C9orf153: variants seen among roughly 807,000 people sequenced by gnomAD.
The protein encoded by C9orf153 is chromosome 9 open reading frame 153, also known as uncharacterized protein C9orf153.
Under a neutral mutation model 9.0 loss-of-function variants are expected in C9orf153, and 10 were observed. The observed-to-expected ratio is 1.11, with a 90% CI of 0.69 to 1.89. C9orf153 has a LOEUF of 1.89. Among genes scored for constraint, C9orf153 ranks in the 40% most tolerant of loss-of-function variants. The pLI is 0.00. For synonymous variants in C9orf153, 35 were observed against 37.3 expected (o/e 0.94, Z 0.23); for missense variants, 108 against 111.0 (o/e 0.97, Z 0.12).
chr9:86,226,130 C>T (rs1162017575), intron 3 of C9orf153, among the ~76,000 whole-genome samples: 1 of 152,126 alleles, frequency 6.6e-6, no homozygotes, highest in Admixed American at 6.6e-5. Context: ...TAGGCCAGTC[C>T]TATCATTGCT....
In C9orf153 at chr9:86,221,496, T is replaced by C; in HGVS notation, c.*192A>G. The C allele has an allele frequency of 2.2e-6, 3 of 1,341,440 alleles. No homozygotes were observed. The highest frequency in any genetic ancestry group is 2.9e-6 in the Non-Finnish European group (3 of 1,045,430). 83.1% of individuals were successfully genotyped at this position (1,341,440 alleles called of 1,614,324 possible). A position where few individuals can be genotyped will look rare whatever the true frequency, so the allele number is the denominator to read the frequency against. On this transcript the variant is annotated 3_prime_UTR_variant, in exon 4 of 4. Transcript: ENST00000339137. ...CTACGTCCAAAATATTTTAATACACTACATATTCCATTTAAGAGAATAACT... is the reference window on the plus strand; with the variant it reads ...CTACGTCCAAAATATTTTAATACACCACATATTCCATTTAAGAGAATAACT...
chr9:86,256,303 T>A (rs561452340), intron 1 of C9orf153, among the ~76,000 whole-genome samples: 1 of 152,338 alleles, frequency 6.6e-6, no homozygotes, highest in East Asian at 1.9e-4. Flanking sequence ...ACTGTCTCCA[T>A]CATTATTTTA....
At chr9:86,223,171 CA>C (rs889645688) in intron 3 of C9orf153, among the ~76,000 whole-genome samples, 52 of 152,248 alleles carry the variant, frequency 3.4e-4, no homozygotes, top group African/African-American at 1.3e-3. Context: ...GGATCTTTAA[CA>C]AGAGAAGGTT....
intron 1 of C9orf153, among the ~76,000 whole-genome samples, chr9:86,256,483 T>C (rs1825125271): frequency 6.6e-6 from 1 of 152,256 alleles, no homozygotes; most frequent in African/African-American, 2.4e-5. Context: ...TTGATTAATG[T>C]CATCTTCGTG....
chr9:86,234,635 T>C (rs1237258821), intron 1 of C9orf153, among the ~76,000 whole-genome samples: 1 of 152,184 alleles, frequency 6.6e-6, no homozygotes, highest in Non-Finnish European at 1.5e-5. Context: ...GGGTAAATTT[T>C]TGTGACCCTG....
chr9:86,229,648 GA>G lies in C9orf153; in HGVS notation c.-26-20del. 1.4e-6 allele frequency: 2 copies of G among 1,396,420 alleles called. No homozygotes were observed. The highest frequency in any genetic ancestry group is 2.4e-5 in the South Asian group (2 of 83,604). 86.5% of individuals were successfully genotyped at this position (1,396,420 alleles called of 1,614,324 possible). Reference sequence around the variant, plus strand: ...CTAATTCCTAAAAAAAGCAATATGAGAAAAGACAAAAATCAAAGATTAAAAA... The same window carrying G: ...CTAATTCCTAAAAAAAGCAATATGAGAAAGACAAAAATCAAAGATTAAAAA... On this transcript the variant is annotated intron_variant, in intron 1 of 3. Transcript: ENST00000339137.
At chr9:86,242,336 G>C (rs545667069) in intron 1 of C9orf153, among the ~76,000 whole-genome samples, 1 of 149,846 alleles carries the variant, frequency 6.7e-6, no homozygotes, top group Admixed American at 6.7e-5. Context: ...AGGCTCAAAG[G>C]AAGACAGGAT....
At chr9:86,221,829 A>G (rs895795284) in intron 3 of C9orf153, 96 bp from the exon 4 acceptor site, 83 of 672,732 alleles carry the variant, frequency 1.2e-4, no homozygotes, top group Non-Finnish European at 1.8e-4. Context: ...CCTTTGATGA[A>G]CTCGAGTCCC....
At chr9:86,247,321 T>C (rs1306754383) in intron 1 of C9orf153, among the ~76,000 whole-genome samples, 1 of 152,194 alleles carries the variant, frequency 6.6e-6, no homozygotes, top group African/African-American at 2.4e-5. Context: ...TTCATCTTTT[T>C]CTTGTGCACA....
chr9:86,227,536 T>C, intron 3 of C9orf153: 2 of 1,364,656 alleles, frequency 1.5e-6, no homozygotes, highest in Non-Finnish European at 1.9e-6. Flanking sequence ...CTCATCTGTT[T>C]AAATTACCTG....
intron 1 of C9orf153, among the ~76,000 whole-genome samples, chr9:86,237,711 G>A (rs989415689): frequency 2.5e-4 from 38 of 151,894 alleles, no homozygotes; most frequent in African/African-American, 9.2e-4. Flanking sequence ...GAGATGAGGA[G>A]GGGCTTTACA....
rs1408130956 is a variant in C9orf153, at chr9:86,221,654, A to C, written c.*34T>G. 3.9e-6 allele frequency: 6 copies of C among 1,544,160 alleles called. No homozygotes were observed. The highest frequency in any genetic ancestry group is 5.2e-6 in the Non-Finnish European group (6 of 1,144,356). On this transcript the variant is annotated 3_prime_UTR_variant, in exon 4 of 4. Transcript: ENST00000339137. The stretch of plus-strand genomic sequence containing the variant: ...TGTTGTATTTTATGTCTCCGAATGA[A>C]ATTGCAGTAGTGCGCCTCCACTTCG...
intron 1 of C9orf153, among the ~76,000 whole-genome samples, chr9:86,245,623 TGGGGAGGCG>T (rs1280703085): frequency 6.6e-6 from 1 of 152,146 alleles, no homozygotes; most frequent in Non-Finnish European, 1.5e-5. Context: ...CATTCATCTG[TGGGGAGGCG>T]ATTGAGTAGC....
intron 1 of C9orf153, among the ~76,000 whole-genome samples, chr9:86,241,986 G>T (rs1824754867): frequency 6.6e-6 from 1 of 152,178 alleles, no homozygotes. Flanking sequence ...CAAGATAAGT[G>T]AATTCGTAAG....
At chr9:86,234,915 G>T (rs1391207259) in intron 1 of C9orf153, among the ~76,000 whole-genome samples, 1 of 152,126 alleles carries the variant, frequency 6.6e-6, no homozygotes, top group Non-Finnish European at 1.5e-5. Flanking sequence ...TTCTCCTCTG[G>T]CATGCAAGGA....
chr9:86,244,803 T>C (rs1468188646), intron 1 of C9orf153, among the ~76,000 whole-genome samples: 1 of 152,172 alleles, frequency 6.6e-6, no homozygotes, highest in Non-Finnish European at 1.5e-5. Context: ...TTTAGCATTC[T>C]CCTCCTTTTT....
chr9:86,229,699 T>G, intron 1 of C9orf153, 70 bp from the exon 2 acceptor site: 1 of 847,894 alleles, frequency 1.2e-6, no homozygotes, highest in Non-Finnish European at 1.9e-6. Flanking sequence ...AAGGGGGAGG[T>G]GAGACTTCTT....
chr9:86,249,962 A>C (rs1587809748), intron 1 of C9orf153, among the ~76,000 whole-genome samples: 1 of 152,244 alleles, frequency 6.6e-6, no homozygotes, highest in East Asian at 1.9e-4. Context: ...CATAGTGATT[A>C]CCCTACCACT....
intron 1 of C9orf153, among the ~76,000 whole-genome samples, chr9:86,254,090 C>T (rs1433386901): frequency 1.8e-5 from 2 of 108,208 alleles, no homozygotes; most frequent in Non-Finnish European, 1.9e-5. Flanking sequence ...GACTCCATTT[C>T]AAAAAAAAAA....
Sources: allele counts gnomAD v4.1 joint callset (sites outside exome capture counted in the v4.1 genomes callset), GRCh38; gene constraint gnomAD v4.1.1; transcripts MANE v1.5; gene names NCBI Gene and HGNC (gene_info 2026-07-23, HGNC 2026-07-21).